Variants in RP1 observed in about 807,000 individuals in gnomAD.
RP1 encodes the protein oxygen-regulated protein 1.
Under a neutral mutation model 14.8 loss-of-function variants are expected in RP1, and 16 were observed. The ratio of observed to expected loss-of-function variants is 1.08; its 90% CI spans 0.73 to 1.65. The LOEUF (loss-of-function observed/expected upper bound fraction) is 1.65. Ranked by LOEUF, RP1 falls within the 40% of genes most tolerant of loss-of-function variation. RP1 has a pLI of 0.00. For synonymous variants in RP1, 876 were observed against 883.6 expected (o/e 0.99, Z 0.15); for missense variants, 2,631 against 2,535.0 (o/e 1.04, Z -0.81).
At chr8:54,823,352 A>T (rs1228361912) in intron 24 of RP1, among the ~76,000 whole-genome samples, 1 of 151,994 alleles carries the variant, frequency 6.6e-6, no homozygotes, top group African/African-American at 2.4e-5. Context: ...ATTTTTTGAC[A>T]TGGAGTCTCC....
chr8:54,696,320 A>G (rs1807861218), intron 12 of RP1: 2 of 452,738 alleles, frequency 4.4e-6, no homozygotes, highest in Non-Finnish European at 7.8e-6. Context: ...GTTAATACAA[A>G]ATGGGCTGTG....
intron 18 of RP1, among the ~76,000 whole-genome samples, chr8:54,738,009 A>G (rs1808978631): frequency 1.3e-5 from 2 of 152,308 alleles, no homozygotes; most frequent in Non-Finnish European, 2.9e-5. Context: ...CTCACAGTTC[A>G]GTGTCCTGGA....
chr8:54,665,193 T>G (rs143815263), intron 7 of RP1, among the ~76,000 whole-genome samples: 3 of 152,188 alleles, frequency 2.0e-5, no homozygotes, highest in Non-Finnish European at 2.9e-5. Context: ...GTTCCATTTC[T>G]GGAAATTAAT....
chr8:54,611,762 C>A (rs1046961039), upstream of RP1, among the ~76,000 whole-genome samples: 1 of 151,950 alleles, frequency 6.6e-6, no homozygotes, highest in East Asian at 1.9e-4. Flanking sequence ...AATGTGTGTG[C>A]ATTGTGACTT....
intron 12 of RP1, among the ~76,000 whole-genome samples, chr8:54,689,759 A>G (rs927829111): frequency 2.4e-4 from 37 of 152,080 alleles, no homozygotes; most frequent in Admixed American, 1.3e-4. Flanking sequence ...ATGGGGCTGT[A>G]CACTCTACCC....
chr8:54,690,766 A>G (rs1807691840), intron 12 of RP1, among the ~76,000 whole-genome samples: 1 of 152,072 alleles, frequency 6.6e-6, no homozygotes, highest in East Asian at 1.9e-4. Context: ...GAATTTCTCA[A>G]TTCAGAATCT....
At chr8:54,766,530 G>A (rs916639329) in intron 22 of RP1, among the ~76,000 whole-genome samples, 4 of 152,114 alleles carry the variant, frequency 2.6e-5, no homozygotes. Flanking sequence ...GCAGGGATGA[G>A]TCTTGTTCAT....
chr8:54,575,590 A>G (rs759680227), intron 1 of RP1, among the ~76,000 whole-genome samples: 23 of 152,316 alleles, frequency 1.5e-4, no homozygotes, highest in South Asian at 2.1e-4. Flanking sequence ...TTATTACGAC[A>G]ATCGTCACCT....
chr8:54,755,549 C>T (rs1274543192), intron 20 of RP1: 51 of 1,443,930 alleles, frequency 3.5e-5, no homozygotes, highest in Non-Finnish European at 4.5e-5. Context: ...ACCTATGGAT[C>T]TGGGTTCTGT....
chr8:54,798,549 G>C (rs990831857), intron 24 of RP1, among the ~76,000 whole-genome samples: 1 of 152,130 alleles, frequency 6.6e-6, no homozygotes, highest in Non-Finnish European at 1.5e-5. Flanking sequence ...TGTCATGTTG[G>C]TTAGGTTAAT....
downstream of RP1, among the ~76,000 whole-genome samples, chr8:54,634,115 C>A (rs1281202839): frequency 5.3e-5 from 8 of 152,138 alleles, no homozygotes; most frequent in Non-Finnish European, 1.5e-5. Flanking sequence ...GCCCAGGGTT[C>A]TTTTAATCCA....
intron 1 of RP1, among the ~76,000 whole-genome samples, chr8:54,605,396 C>G (rs1563323519): frequency 6.6e-6 from 1 of 152,164 alleles, no homozygotes; most frequent in Non-Finnish European, 1.5e-5. Flanking sequence ...GCACTGTGGT[C>G]TGAGAGAGAG....
At chr8:54,806,567 C>T (rs2129391294) in intron 24 of RP1, among the ~76,000 whole-genome samples, 1 of 152,250 alleles carries the variant, frequency 6.6e-6, no homozygotes, top group East Asian at 1.9e-4. Flanking sequence ...ACATTTGTTT[C>T]ATGAATGCAA....
In RP1 at chr8:54,620,983, C is replaced by T. The variant is rs767211334; in HGVS notation, c.17C>T (p.Ser6Phe). The T allele has an allele frequency of 5.0e-6, 8 of 1,614,158 alleles. No homozygotes were observed. Among genetic ancestry groups the T allele is most frequent in the Non-Finnish European group, 6.8e-6 (8 of 1,180,032 alleles). Reference sequence around the variant, plus strand: ...TCAGCCAAAATGAGTGATACCCCTTCTACTGGTTTTTCCATCATTCATCCT... The same window carrying T: ...TCAGCCAAAATGAGTGATACCCCTTTTACTGGTTTTTCCATCATTCATCCT... MSDTP[S>F]TGFSIIHPTS... Residue 6 changes from serine to phenylalanine, a missense_variant, in exon 2 of 4, where the codon TCT becomes TTT. By Grantham distance (155) the Ser-to-Phe change is radical. Transcript: ENST00000220676.
chr8:54,681,601 G>T (rs1807433432), intron 12 of RP1, among the ~76,000 whole-genome samples: 2 of 151,672 alleles, frequency 1.3e-5, no homozygotes, highest in Admixed American at 1.3e-4. Context: ...GTAAACGTGT[G>T]CCATGGTGGT....
At chr8:54,640,361 A>G (rs947402086) in intron 3 of RP1, among the ~76,000 whole-genome samples, 1 of 152,168 alleles carries the variant, frequency 6.6e-6, no homozygotes, top group Non-Finnish European at 1.5e-5. Flanking sequence ...CATCTTGATT[A>G]CTGTAGCTTT....
At chr8:54,734,483 C>G (rs1808866934) in intron 17 of RP1, 4 of 1,447,014 alleles carry the variant, frequency 2.8e-6, no homozygotes, top group Non-Finnish European at 3.7e-6. Context: ...TCCAGTGTGA[C>G]AAAGGATTCT....
intron 26 of RP1, among the ~76,000 whole-genome samples, chr8:54,856,449 T>C (rs907799746): frequency 5.3e-5 from 8 of 152,188 alleles, no homozygotes; most frequent in African/African-American, 1.9e-4. Flanking sequence ...TATATGTATG[T>C]ACATATACAT....
At chr8:54,701,634 T>C (rs1472481300) in exon 14 of RP1, 27 of 1,534,914 alleles carry the variant, frequency 1.8e-5, no homozygotes, top group Non-Finnish European at 2.2e-5. Context: ...TATGCAAATC[T>C]TTCAAAAGAA....
Sources: allele counts gnomAD v4.1 joint callset (sites outside exome capture counted in the v4.1 genomes callset), GRCh38; gene constraint gnomAD v4.1.1; transcripts MANE v1.5; gene names NCBI Gene and HGNC (gene_info 2026-07-23, HGNC 2026-07-21).